NPFFR1: variants seen among roughly 807,000 people sequenced by gnomAD.
NPFFR1 encodes G-protein coupled receptor 147.
NPFFR1 carries 17 observed loss-of-function variants against 12.7 expected under a neutral mutation model. The ratio of observed to expected loss-of-function variants is 1.34; its 90% CI spans 0.92 to 2.01. The LOEUF (loss-of-function observed/expected upper bound fraction) is 2.01. NPFFR1 is among the 30% of genes most tolerant of loss of function. The pLI, the probability that NPFFR1 is intolerant of heterozygous loss-of-function variation, is 0.00. For synonymous variants in NPFFR1, 296 were observed against 264.5 expected, an observed-to-expected ratio of 1.12 and a Z score of -1.16; for missense variants, 604 against 606.5, an observed-to-expected ratio of 1.00 and a Z score of 0.04.
In NPFFR1 at chr10:70,260,652, A is replaced by G; in HGVS notation, c.410T>C (p.Ile137Thr). 1 of 1,610,026 alleles carries G rather than the reference A, an allele frequency of 6.2e-7. No homozygotes were observed. The change falls in exon 3 of 4, where the codon ATT (isoleucine) becomes ACT (threonine). Residue 137 changes from isoleucine (I) to threonine (T), a missense_variant. Transcript: ENST00000277942. ...VSASVFTLVA[I>T]AVERFRCIVH... The stretch of plus-strand genomic sequence containing the variant: ...GGAAACCTCTCACCTTTCCACAGCA[A>G]TGGCCACCAGTGTGAAAACGGAAGC...
In NPFFR1 at chr10:70,255,049, G is replaced by T; in HGVS notation, c.1201C>A (p.Leu401Met). ...SGAPRPGRLP[L>M]RNGRVAHHGL... is the part of the protein sequence containing the mutation. ...TGGTGAGCCACCCGCCCATTCCGCAGCGGGAGGCGGCCGGGCCTGGGGGCC... is the reference window on the plus strand; with the variant it reads ...TGGTGAGCCACCCGCCCATTCCGCATCGGGAGGCGGCCGGGCCTGGGGGCC... The change falls in exon 4 of 4, where the codon CTG (leucine) becomes ATG (methionine). Residue 401 changes from leucine to methionine, a missense_variant. Leu to Met is a conservative substitution (Grantham distance 15). Transcript: ENST00000277942. This position sits in a 1 kb window ranked among gnomAD's most constrained non-coding sequence, Gnocchi z 4.2. 7.0e-7 allele frequency: 1 copy of T among 1,438,370 alleles called. No individual in the cohort carries two copies. Among genetic ancestry groups the T allele is most frequent in the Non-Finnish European group, 9.1e-7 (1 of 1,103,020 alleles). 89.1% of individuals were successfully genotyped at this position (1,438,370 alleles called of 1,614,324 possible).
Position 70,255,262 on chromosome 10 carries a change from C to T in NPFFR1, c.988G>A (p.Gly330Ser), listed in dbSNP as rs547929871. ...FNSSANPIIYGYFNENFRRGF... is the reference protein window; with the variant it reads ...FNSSANPIIYSYFNENFRRGF... ...CGGCGGAAGTTCTCGTTGAAGTAGCCGTAGATGATGGGGTTGGCGCTGCTG... is the reference window on the plus strand; with the variant it reads ...CGGCGGAAGTTCTCGTTGAAGTAGCTGTAGATGATGGGGTTGGCGCTGCTG... The change falls in exon 4 of 4, where the codon GGC (glycine) becomes AGC (serine). Residue 330 changes from glycine (G) to serine (S), a missense_variant. By Grantham distance (56) the Gly-to-Ser change is moderately conservative. Coordinates refer to ENST00000277942, the MANE Select transcript of NPFFR1 (RefSeq NM_022146.5). The surrounding 1 kb of genome is among the most constrained non-coding windows in gnomAD (Gnocchi z 4.2). The T allele has an allele frequency of 1.3e-6, 2 of 1,572,374 alleles. No homozygotes were observed. The highest frequency in any genetic ancestry group is 1.8e-5 in the Admixed American group (1 of 54,520).
chr10:70,280,239 C>T (rs995252928), intron 1 of NPFFR1, among the ~76,000 whole-genome samples: 1 of 152,150 alleles, frequency 6.6e-6, no homozygotes, highest in Admixed American at 6.5e-5. Flanking sequence ...GGGGTAAGTA[C>T]CCAGAAATGA....
At chr10:70,264,282 G>A (rs1159932762) in intron 2 of NPFFR1, among the ~76,000 whole-genome samples, 4 of 144,744 alleles carry the variant, frequency 2.8e-5, no homozygotes, top group African/African-American at 1.0e-4. Context: ...GCTGAGGCAG[G>A]AGAATCACTT....
At position 70,255,596 on chromosome 10, in the gene NPFFR1, A is replaced by G; in HGVS notation, c.654T>C (p.Thr218=). ...CCAGGTAGATGTGCGAGAAGAGCAC[A>G]GTGGTGTAGACCCTGCGCATGCCCT... The part of the protein sequence containing the change: ...PEKGMRRVYT[T]VLFSHIYLAP... Residue 218 remains threonine, a synonymous_variant, in exon 4 of 4, where the codon ACT becomes ACC. Coordinates refer to ENST00000277942, the MANE Select transcript of NPFFR1 (RefSeq NM_022146.5). This position sits in a 1 kb window ranked among gnomAD's most constrained non-coding sequence, Gnocchi z 4.2. 1 of 1,556,786 alleles carries G rather than the reference A, an allele frequency of 6.4e-7. No individual in the cohort carries two copies. The highest frequency in any genetic ancestry group is 8.7e-7 in the Non-Finnish European group (1 of 1,150,452).
At chr10:70,280,443 T>A (rs1840848580) in intron 1 of NPFFR1, among the ~76,000 whole-genome samples, 1 of 152,250 alleles carries the variant, frequency 6.6e-6, no homozygotes, top group Non-Finnish European at 1.5e-5. Context: ...TGAGATGATG[T>A]CTCATTGCGG....
chr10:70,280,788 G>A (rs543485751), intron 1 of NPFFR1, among the ~76,000 whole-genome samples: 48 of 152,300 alleles, frequency 3.2e-4, no homozygotes, highest in African/African-American at 9.6e-5. Flanking sequence ...CAGATCACGA[G>A]GTCAGGAGTT....
rs189323004 is a variant in NPFFR1, at chr10:70,255,937, G to A, written c.423-110C>T. 90 of 1,213,664 alleles carry A rather than the reference G, an allele frequency of 7.4e-5. No individual in the cohort carries two copies. Among genetic ancestry groups the A allele is most frequent in the East Asian group, 2.0e-4 (8 of 39,164 alleles). The allele number at this position is 1,213,664 out of a possible 1,614,324, so 75.2% of individuals were successfully genotyped here. On this transcript the variant is annotated intron_variant, in intron 3 of 3. Transcript: ENST00000277942. This position sits in a 1 kb window ranked among gnomAD's most constrained non-coding sequence, Gnocchi z 4.2. ...CCTTCATCATCGCATCTAGGGCGGC[G>A]TCGAAGAACAGCTCAGACCTGAATT... is the stretch of plus-strand genomic sequence containing the variant.
At position 70,255,476 on chromosome 10, in the gene NPFFR1, G is replaced by C. The variant is rs1313001613; in HGVS notation, c.774C>G (p.Asp258Glu). 1 of 1,547,878 alleles carries C rather than the reference G, an allele frequency of 6.5e-7. No homozygotes were observed. Among genetic ancestry groups the C allele is most frequent in the Non-Finnish European group, 8.7e-7 (1 of 1,145,802 alleles). Residue 258 changes from aspartate to glutamate, a missense_variant, in exon 4 of 4, where the codon GAC becomes GAG. By Grantham distance (45) the Asp-to-Glu change is conservative. Coordinates refer to ENST00000277942, the MANE Select transcript of NPFFR1 (RefSeq NM_022146.5). This position sits in a 1 kb window ranked among gnomAD's most constrained non-coding sequence, Gnocchi z 4.2. ...GCGCTCTGCGCCGCGATGCTCGCGG[G>C]TCCGCAGCCTCCTCGCCCCCGGGGG... ...GPAPGGEEAA[D>E]PRASRRRARV...
Position 70,266,323 on chromosome 10 carries a change from G to T in NPFFR1, c.76C>A (p.Pro26Thr), listed in dbSNP as rs1482355579. 4 of 1,613,766 alleles carry T rather than the reference G, an allele frequency of 2.5e-6. No homozygotes were observed. The highest frequency in any genetic ancestry group is 3.4e-6 in the Non-Finnish European group (4 of 1,179,800). Residue 26 changes from proline (P) to threonine (T), a missense_variant, in exon 2 of 4, where the codon CCG (proline) becomes ACG (threonine). Transcript: ENST00000277942. ...SQNGTNTEAT[P>T]ATNLTFSSYY... ...GAGGAGAAGGTGAGGTTTGTAGCCG[G>T]GGTGGCCTCAGTGTTAGTCCCATTC...
At position 70,255,338 on chromosome 10, in the gene NPFFR1, G is replaced by A. The variant is rs1840552181; in HGVS notation, c.912C>T (p.His304=). The A allele has an allele frequency of 6.4e-7, 1 of 1,574,510 alleles. No homozygotes were observed. Among genetic ancestry groups the A allele is most frequent in the Non-Finnish European group, 8.6e-7 (1 of 1,164,426 alleles). Residue 304 remains histidine (H), a synonymous_variant, in exon 4 of 4, where the codon CAC becomes CAT. Coordinates refer to ENST00000277942, the MANE Select transcript of NPFFR1 (RefSeq NM_022146.5). The surrounding 1 kb of genome is among the most constrained non-coding windows in gnomAD (Gnocchi z 4.2). Reference sequence around the variant, plus strand: ...AGGGGAAGGCGTAGACGGTGACCAGGTGCAGCTGCGGCGCGCTGAGCTGCC... The same window carrying A: ...AGGGGAAGGCGTAGACGGTGACCAGATGCAGCTGCGGCGCGCTGAGCTGCC... The part of the protein sequence containing the change: ...DYGQLSAPQL[H]LVTVYAFPFA...
chr10:70,272,207 G>GGAAAT, intron 1 of NPFFR1, among the ~76,000 whole-genome samples: 1 of 108,666 alleles, frequency 9.2e-6, no homozygotes, highest in Non-Finnish European at 1.9e-5. Flanking sequence ...AAGAAAGAAA[G>GGAAAT]AAAGGAAAGA....
intron 3 of NPFFR1, 22 bp downstream of exon 3, chr10:70,260,618 A>G: frequency 6.3e-7 from 1 of 1,590,314 alleles, no homozygotes; most frequent in Non-Finnish European, 8.6e-7. Context: ...CTCAGGCATA[A>G]TCCAGCCAGG....
chr10:70,268,222 A>T (rs1371929757), intron 1 of NPFFR1, among the ~76,000 whole-genome samples: 1 of 152,158 alleles, frequency 6.6e-6, no homozygotes, highest in Non-Finnish European at 1.5e-5. Context: ...ACTTCCTTTC[A>T]TCCATAAATG....
chr10:70,247,463 C>G lies in NPFFR1; in HGVS notation c.*7494G>C, dbSNP rs1424141159. ...GGCTTCGGAGGACCACGAGACAGCA[C>G]TATGGACAAACAAAATGCACTACAC... is the stretch of plus-strand genomic sequence containing the variant. On this transcript the variant is annotated 3_prime_UTR_variant, in exon 4 of 4. Transcript: ENST00000277942. The G allele has an allele frequency of 6.6e-6, 1 of 152,172 alleles. No homozygotes were observed. The highest frequency in any genetic ancestry group is 1.5e-5 in the Non-Finnish European group (1 of 68,040). The allele number at this position is 152,172 out of a possible 1,614,324, so 9.4% of individuals were successfully genotyped here.
rs751107873 is a variant in NPFFR1, at chr10:70,260,724, T to A, written c.338A>T (p.Asn113Ile). The change falls in exon 3 of 4, where the codon AAT (asparagine) becomes ATT (isoleucine). Residue 113 changes from asparagine to isoleucine, a missense_variant. Coordinates refer to ENST00000277942, the MANE Select transcript of NPFFR1 (RefSeq NM_022146.5). ...DNLITGWPFD[N>I]ATCKMSGLVQ... The stretch of plus-strand genomic sequence containing the variant: ...CAAGCCGCTCATCTTGCATGTGGCA[T>A]TGTCGAAGGGCCACCCTGCAATGAC... 68 of 1,602,660 alleles carry A rather than the reference T, an allele frequency of 4.2e-5. No homozygotes were observed. The highest frequency in any genetic ancestry group is 5.8e-5 in the Non-Finnish European group (68 of 1,174,788).
chr10:70,263,627 G>A (rs1840657486), intron 2 of NPFFR1, among the ~76,000 whole-genome samples: 1 of 152,116 alleles, frequency 6.6e-6, no homozygotes, highest in Admixed American at 6.5e-5. Context: ...TAACAGAATG[G>A]CTGCCTATGG....
intron 2 of NPFFR1, among the ~76,000 whole-genome samples, chr10:70,261,543 T>C (rs1038220104): frequency 6.6e-6 from 1 of 152,118 alleles, no homozygotes; most frequent in African/African-American, 2.4e-5. Context: ...TCAACAGTAT[T>C]AGTGAGATTT....
At chr10:70,260,358 G>A (rs1055823493) in intron 3 of NPFFR1, among the ~76,000 whole-genome samples, 2 of 152,122 alleles carry the variant, frequency 1.3e-5, no homozygotes, top group African/African-American at 2.4e-5. Context: ...CAGGAAATAA[G>A]GACTGCTCTT....
Sources: gnomAD v4.1 joint callset for allele counts (sites outside exome capture counted in the v4.1 genomes callset) on GRCh38, gnomAD v4.1.1 for gene constraint, Gnocchi (gnomAD v3.1) non-coding constraint, MANE v1.5 for transcripts, NCBI Gene and HGNC (gene_info 2026-07-23, HGNC 2026-07-21) for gene names.